PI4KB: variants seen among roughly 807,000 people sequenced by gnomAD.
PI4KB encodes the protein phosphatidylinositol 4-kinase beta.
PI4KB carries 23 observed loss-of-function variants against 81.4 expected under a neutral mutation model. The ratio of observed to expected loss-of-function variants is 0.28; its 90% CI spans 0.20 to 0.40. The LOEUF is 0.40. PI4KB is among the 10% of genes least tolerant of loss of function. The pLI, the probability that PI4KB is intolerant of heterozygous loss-of-function variation, is 1.00. For synonymous variants in PI4KB, 381 were observed against 406.8 expected, an observed-to-expected ratio of 0.94 and a Z score of 0.76; for missense variants, 651 against 1,036.6, an observed-to-expected ratio of 0.63 and a Z score of 5.11.
chr1:151,314,720 C>T (rs1647646609), intron 2 of PI4KB, among the ~76,000 whole-genome samples: 1 of 152,166 alleles, frequency 6.6e-6, no homozygotes, highest in African/African-American at 2.4e-5. Flanking sequence ...AAACCTTACA[C>T]TTATGTCAAC....
At chr1:151,308,525 T>C (rs1695972843) in intron 3 of PI4KB, among the ~76,000 whole-genome samples, 1 of 152,196 alleles carries the variant, frequency 6.6e-6, no homozygotes, top group South Asian at 2.1e-4. Context: ...ATGATGGCCC[T>C]GAAGGCCTGT....
At chr1:151,298,741 G>A (rs1008630699) in intron 9 of PI4KB, 67 bp downstream of exon 9, 1 of 1,512,824 alleles carries the variant, frequency 6.6e-7, no homozygotes, top group East Asian at 2.3e-5. Context: ...AAGTAATTGA[G>A]AACTACACAC....
At chr1:151,313,432 A>G (rs920374696) in intron 2 of PI4KB, among the ~76,000 whole-genome samples, 4 of 152,172 alleles carry the variant, frequency 2.6e-5, no homozygotes, top group Non-Finnish European at 5.9e-5. Context: ...AGAGGGACCA[A>G]GGATCAGCAG....
chr1:151,327,506 A>C, upstream of PI4KB: 1 of 395,832 alleles, frequency 2.5e-6, no homozygotes, highest in Non-Finnish European at 4.5e-6. Flanking sequence ...CCCTCAGTAC[A>C]ACCAAGACCA....
chr1:151,313,854 A>G (rs1476380321), intron 2 of PI4KB, among the ~76,000 whole-genome samples: 1 of 152,248 alleles, frequency 6.6e-6, no homozygotes, highest in Non-Finnish European at 1.5e-5. Context: ...AAGGTAGTTC[A>G]GCTGAATGAT....
In PI4KB at chr1:151,298,861, C is replaced by G; in HGVS notation, c.1962G>C (p.Val654=). The G allele has an allele frequency of 6.2e-7, 1 of 1,614,182 alleles. No individual in the cohort carries two copies. The change falls in exon 9 of 12, where the codon GTG becomes GTC. Residue 654 remains valine, a synonymous_variant. Coordinates refer to ENST00000368873, the MANE Select transcript of PI4KB (RefSeq NM_001369623.2). ...CCAAGCAGTACCCAGCACAACTTTG[C>G]ACAAAATTGCGCTGTGCACTGAGGA... The part of the protein sequence containing the change: ...EAFLSAQRNF[V]QSCAGYCLVC...
At chr1:151,321,000 G>A (rs1239603500) in intron 1 of PI4KB, among the ~76,000 whole-genome samples, 2 of 152,164 alleles carry the variant, frequency 1.3e-5, no homozygotes, top group African/African-American at 4.8e-5. Context: ...AATTAACTAC[G>A]ATTGGGATTA....
At chr1:151,319,642 GA>G (rs1184803656) in intron 1 of PI4KB, among the ~76,000 whole-genome samples, 3 of 152,306 alleles carry the variant, frequency 2.0e-5, no homozygotes, top group Admixed American at 2.0e-4. Flanking sequence ...GAACACTGCT[GA>G]CCAAAGCCAC....
chr1:151,303,558 A>C lies in PI4KB; in HGVS notation c.1503T>G (p.Ile501Met). 6.2e-7 allele frequency: 1 copy of C among 1,611,574 alleles called. No individual in the cohort carries two copies. Among genetic ancestry groups the C allele is most frequent in the Non-Finnish European group, 8.5e-7 (1 of 1,177,662 alleles). Residue 501 changes from isoleucine to methionine, a missense_variant, in exon 6 of 12, where the codon ATT becomes ATG. Around this residue, in one of 5 missense-constraint regions of PI4KB, gnomAD observed 246 missense variants for 430.1 expected, o/e 0.57. Coordinates refer to ENST00000368873, the MANE Select transcript of PI4KB (RefSeq NM_001369623.2). ...GGCCATACCGGATGTCCCCTGCTGC[A>C]ATGAACACAGGCTCCTTGCTCTCCT... ...TSQESKEPVF[I>M]AAGDIRRRLS...
chr1:151,324,470 G>T (rs1649336429), intron 1 of PI4KB, among the ~76,000 whole-genome samples: 1 of 152,158 alleles, frequency 6.6e-6, no homozygotes, highest in Non-Finnish European at 1.5e-5. Flanking sequence ...CTCAGGGCCA[G>T]GCAGTCAAGC....
intron 1 of PI4KB, among the ~76,000 whole-genome samples, chr1:151,321,488 G>A (rs1350674894): frequency 1.3e-5 from 2 of 151,846 alleles, no homozygotes; most frequent in Non-Finnish European, 2.9e-5. Context: ...AGGTTCAAGC[G>A]ATTCTCCTGC....
In PI4KB at chr1:151,292,218, A is replaced by AG. The variant is rs1251336542; in HGVS notation, c.*633dup. ...CTGGGTTTGGGGAAGGAGTCAGGGT[A>AG]GGGAATTCCACATGGCTAGGCCAGT... On this transcript the variant is annotated 3_prime_UTR_variant, in exon 12 of 12. Coordinates refer to ENST00000368873, the MANE Select transcript of PI4KB (RefSeq NM_001369623.2). The AG allele has an allele frequency of 6.6e-6, 1 of 152,422 alleles. No individual in the cohort carries two copies. The highest frequency in any genetic ancestry group is 2.4e-5 in the African/African-American group (1 of 41,462). The allele number at this position is 152,422 out of a possible 1,614,324, so 9.4% of individuals were successfully genotyped here.
At chr1:151,296,551 A>G in intron 9 of PI4KB, among the ~76,000 whole-genome samples, 1 of 151,510 alleles carries the variant, frequency 6.6e-6, no homozygotes, top group Admixed American at 6.6e-5. Flanking sequence ...GCTCACTGCA[A>G]CTTCTGCCTC....
chr1:151,296,698 G>A (rs1694826820), intron 9 of PI4KB, among the ~76,000 whole-genome samples: 1 of 152,048 alleles, frequency 6.6e-6, no homozygotes, highest in African/African-American at 2.4e-5. Flanking sequence ...TCAAACTCCT[G>A]ACCTCAGGCG....
In PI4KB at chr1:151,292,654, A is replaced by T. The variant is rs1432102072; in HGVS notation, c.*198T>A. The T allele has an allele frequency of 3.4e-6, 2 of 594,742 alleles. No individual in the cohort carries two copies. Among genetic ancestry groups the T allele is most frequent in the African/African-American group, 3.7e-5 (2 of 53,718 alleles). The allele number at this position is 594,742 out of a possible 1,614,324, so 36.8% of individuals were successfully genotyped here. On this transcript the variant is annotated 3_prime_UTR_variant, in exon 12 of 12. Coordinates refer to ENST00000368873, the MANE Select transcript of PI4KB (RefSeq NM_001369623.2). ...CAGGAGGGGCAGGGAAGCCCCAACA[A>T]GTCTGGACCCCACAGCTGGCTCTCC...
At chr1:151,320,640 C>T (rs754982395) in intron 1 of PI4KB, among the ~76,000 whole-genome samples, 1 of 152,238 alleles carries the variant, frequency 6.6e-6, no homozygotes, top group Non-Finnish European at 1.5e-5. Flanking sequence ...TCTGTCCCTA[C>T]TCGCAACTGT....
chr1:151,305,078 C>T (rs1407467904), intron 5 of PI4KB, among the ~76,000 whole-genome samples: 25 of 152,182 alleles, frequency 1.6e-4, no homozygotes, highest in Admixed American at 1.6e-3. Context: ...GATCTGCTCG[C>T]CCTGTCCTCC....
Position 151,302,271 on chromosome 1 carries a change from A to G in PI4KB, c.1548T>C (p.His516=). The G allele has an allele frequency of 6.2e-7, 1 of 1,614,180 alleles. No homozygotes were observed. Among genetic ancestry groups the G allele is most frequent in the Non-Finnish European group, 8.5e-7 (1 of 1,180,008 alleles). ...GGTCTCGTTTGAAGGCTGTCGGGGT[A>G]TGAGCCAGCTGTTCCGAAAGGCGCC... The part of the protein sequence containing the change: ...IRRRLSEQLA[H]TPTAFKRDPE... Residue 516 remains histidine (H), a synonymous_variant, in exon 7 of 12, where the codon CAT becomes CAC. Transcript: ENST00000368873.
chr1:151,311,804 G>A (rs961937647), intron 2 of PI4KB, among the ~76,000 whole-genome samples: 2 of 152,152 alleles, frequency 1.3e-5, no homozygotes, highest in African/African-American at 4.8e-5. Context: ...GAAGCAAGAA[G>A]CTGACATCAC....
Sources: allele counts gnomAD v4.1 joint callset (sites outside exome capture counted in the v4.1 genomes callset), GRCh38; gene constraint gnomAD v4.1.1; regional missense constraint gnomAD v4.1.1; transcripts MANE v1.5; gene names NCBI Gene and HGNC (gene_info 2026-07-23, HGNC 2026-07-21).